The following BRINP1 variants were observed in gnomAD, a reference collection of about 807,000 sequenced individuals.
BRINP1 encodes the protein BMP/retinoic acid inducible neural specific 1, also known as BMP/retinoic acid-inducible neural-specific protein 1.
In BRINP1, 17 loss-of-function variants were observed where a neutral mutation model predicts 72.9. The ratio of observed to expected loss-of-function variants is 0.23; its 90% CI spans 0.16 to 0.35. BRINP1 has a LOEUF of 0.35. Among genes scored for constraint, BRINP1 ranks in the 10% least tolerant of loss-of-function variants. The probability of loss-of-function intolerance (pLI) is 1.00; values close to 1 mark genes in which losing one functional copy is unlikely to be tolerated. For synonymous variants in BRINP1, 418 were observed against 378.5 expected (o/e 1.10, Z -1.21); for missense variants, 850 against 1,001.6 (o/e 0.85, Z 2.04).
intron 7 of BRINP1, among the ~76,000 whole-genome samples, chr9:119,202,765 G>T (rs999780740): frequency 6.6e-6 from 1 of 152,116 alleles, no homozygotes; most frequent in Non-Finnish European, 1.5e-5. Context: ...TAAATATCTG[G>T]TCGACCCATT....
intron 1 of BRINP1, among the ~76,000 whole-genome samples, chr9:119,350,661 T>C (rs1462700499): frequency 1.4e-5 from 2 of 140,534 alleles, no homozygotes; most frequent in African/African-American, 5.3e-5. Flanking sequence ...CATGAACATG[T>C]GCACACACAC....
chr9:119,216,268 G>A (rs1829974153), intron 5 of BRINP1, among the ~76,000 whole-genome samples: 1 of 152,188 alleles, frequency 6.6e-6, no homozygotes, highest in Non-Finnish European at 1.5e-5. Context: ...AACCAGCATT[G>A]GTGACAGGGC....
chr9:119,286,337 A>G (rs1020453198), intron 2 of BRINP1, among the ~76,000 whole-genome samples: 2 of 150,952 alleles, frequency 1.3e-5, no homozygotes, highest in African/African-American at 4.9e-5. Context: ...GGTTCACGCC[A>G]TTCTCCTCCC....
intron 1 of BRINP1, among the ~76,000 whole-genome samples, chr9:119,324,152 C>T (rs1025100692): frequency 9.2e-5 from 14 of 152,064 alleles, no homozygotes; most frequent in African/African-American, 3.4e-4. Flanking sequence ...TGGTGCCCAA[C>T]TCAGTACAAA....
At chr9:119,315,499 C>T (rs1831115869) in intron 1 of BRINP1, among the ~76,000 whole-genome samples, 1 of 151,946 alleles carries the variant, frequency 6.6e-6, no homozygotes, top group Non-Finnish European at 1.5e-5. Flanking sequence ...CCTTTCTCTC[C>T]CTTTCCTCAG....
At chr9:119,273,214 T>C (rs1564235183) in intron 2 of BRINP1, among the ~76,000 whole-genome samples, 1 of 152,226 alleles carries the variant, frequency 6.6e-6, no homozygotes, top group Non-Finnish European at 1.5e-5. Context: ...AAAGTGTTTT[T>C]TGAATTTGGG....
chr9:119,360,837 T>TAACC (rs1287405193), intron 1 of BRINP1, among the ~76,000 whole-genome samples: 56 of 152,298 alleles, frequency 3.7e-4, no homozygotes, highest in African/African-American at 1.3e-3. Context: ...TACAAAGGGT[T>TAACC]CTAGCTGTTC....
rs1366967570 is a variant in BRINP1, at chr9:119,313,224, G to A, written c.132C>T (p.Asp44=). Reference sequence around the variant, plus strand: ...TCCTGGAGTGGTGGAAAGGCCCCCTGTCTGAAATGAGCCAATCAAATTCCT... The same window carrying A: ...TCCTGGAGTGGTGGAAAGGCCCCCTATCTGAAATGAGCCAATCAAATTCCT... ...VSKEFDWLIS[D]RGPFHHSRSY... is the part of the protein sequence containing the mutation. The change falls in exon 2 of 8, where the codon GAC becomes GAT. Residue 44 remains aspartate (D), a synonymous_variant. Coordinates refer to ENST00000265922, the MANE Select transcript of BRINP1 (RefSeq NM_014618.3). 1.1e-5 allele frequency: 18 copies of A among 1,614,186 alleles called. No individual in the cohort carries two copies. Among genetic ancestry groups the A allele is most frequent in the Non-Finnish European group, 1.5e-5 (18 of 1,180,028 alleles).
intron 1 of BRINP1, among the ~76,000 whole-genome samples, chr9:119,355,529 CCA>C (rs1831553384): frequency 2.0e-5 from 3 of 151,966 alleles, no homozygotes; most frequent in African/African-American, 4.8e-5. Flanking sequence ...GAGATTGAGA[CCA>C]TCCTGGCTAA....
Position 119,167,618 on chromosome 9 carries a change from G to A in BRINP1, c.1752C>T (p.Tyr584=), listed in dbSNP as rs750520907. The stretch of plus-strand genomic sequence containing the variant: ...GGAGACGGATCTTCTCCCAGCGTGG[G>A]TAGCCAAATTCCCCGAAGGGCATGT... ...GWNMPFGEFG[Y]PRWEKIRLQN... Residue 584 remains tyrosine (Y), a synonymous_variant, in exon 8 of 8, where the codon TAC becomes TAT. Transcript: ENST00000265922. The surrounding 1 kb of genome is among the most constrained non-coding windows in gnomAD (Gnocchi z 4.3). The A allele has an allele frequency of 1.9e-6, 3 of 1,614,130 alleles. No homozygotes were observed. Among genetic ancestry groups the A allele is most frequent in the Non-Finnish European group, 1.7e-6 (2 of 1,180,044 alleles).
At chr9:119,324,398 T>A (rs187738375) in intron 1 of BRINP1, among the ~76,000 whole-genome samples, 5 of 152,306 alleles carry the variant, frequency 3.3e-5, no homozygotes, top group Non-Finnish European at 2.9e-5. Flanking sequence ...CCTAGTGATA[T>A]GGAGTTTAGG....
In BRINP1 at chr9:119,303,572, G is replaced by C. The variant is rs140306830; in HGVS notation, c.218+9566C>G. Among the ~76,000 whole-genome samples, 1,267 of 152,276 alleles carry C rather than the reference G, an allele frequency of 8.3e-3. 15 individuals are homozygous for C. The highest frequency in any genetic ancestry group is 0.029 in the African/African-American group (1,203 of 41,554). ...TCAATGTATGCTGATAGCTTAAAGA[G>C]ACCTTGCCAGTATGGTGGCACGTGT... is the stretch of plus-strand genomic sequence containing the variant. On this transcript the variant is annotated intron_variant, in intron 2 of 7. Transcript: ENST00000265922.
At chr9:119,207,608 C>T (rs1203816575) in intron 7 of BRINP1, among the ~76,000 whole-genome samples, 1 of 152,106 alleles carries the variant, frequency 6.6e-6, no homozygotes, top group Non-Finnish European at 1.5e-5. Flanking sequence ...TCAAATGTCC[C>T]CTGGGGAAAA....
Position 119,294,195 on chromosome 9 carries a change from G to A in BRINP1, c.218+18943C>T, listed in dbSNP as rs774990426. ...TAAGAAAAAGTATAAAACACTTAGG[G>A]ATACAGTTAAGAAGTAAAAGACATA... On this transcript the variant is annotated intron_variant, in intron 2 of 7. Coordinates refer to ENST00000265922, the MANE Select transcript of BRINP1 (RefSeq NM_014618.3). Among the ~76,000 whole-genome samples the A allele has an allele frequency of 2.6e-5, 4 of 152,258 alleles. No homozygotes were observed. In the South Asian group the frequency reaches 8.3e-4, roughly 32 times the overall value.
intron 5 of BRINP1, among the ~76,000 whole-genome samples, chr9:119,227,540 T>C (rs1156951131): frequency 6.6e-6 from 1 of 152,036 alleles, no homozygotes; most frequent in African/African-American, 2.4e-5. Flanking sequence ...GCTCTTTCAT[T>C]GAAAGGGCCT....
intron 2 of BRINP1, among the ~76,000 whole-genome samples, chr9:119,262,913 T>C (rs538527923): frequency 9.2e-5 from 14 of 152,344 alleles, no homozygotes; most frequent in African/African-American, 2.4e-4. Context: ...GTTTTGTCTC[T>C]ATGTTAGGTG....
chr9:119,357,831 T>G (rs10760035), intron 1 of BRINP1, among the ~76,000 whole-genome samples: 105,048 of 152,032 alleles, frequency 0.69, 36,659 homozygotes, highest in East Asian at 1. Context: ...GACTAACCTA[T>G]CCCAAGACAA....
At chr9:119,344,982 G>A (rs964209075) in intron 1 of BRINP1, among the ~76,000 whole-genome samples, 1 of 152,270 alleles carries the variant, frequency 6.6e-6, no homozygotes, top group East Asian at 1.9e-4. Context: ...ACAAATAAAA[G>A]ACATTGTTGA....
intron 7 of BRINP1, among the ~76,000 whole-genome samples, chr9:119,191,931 G>A (rs1217099255): frequency 2.0e-5 from 3 of 151,712 alleles, no homozygotes; most frequent in Admixed American, 2.0e-4. Context: ...ACAATTGAGA[G>A]CCCAGAAATA....
Sources: gnomAD v4.1 joint callset for allele counts (sites outside exome capture counted in the v4.1 genomes callset) on GRCh38, gnomAD v4.1.1 for gene constraint, Gnocchi (gnomAD v3.1) non-coding constraint, MANE v1.5 for transcripts, NCBI Gene and HGNC (gene_info 2026-07-23, HGNC 2026-07-21) for gene names.